SKI: variants seen among roughly 807,000 people sequenced by gnomAD.
SKI encodes SKI proto-oncogene.
Under a neutral mutation model 59.3 loss-of-function variants are expected in SKI, and 23 were observed. The observed-to-expected ratio is 0.39, with a 90% CI of 0.28 to 0.55. SKI has a LOEUF of 0.55. Ranked by LOEUF, SKI falls within the 20% of genes least tolerant of loss-of-function variation. The pLI is 0.67. For synonymous variants in SKI, 673 were observed against 488.6 expected (o/e 1.38, Z -4.98); for missense variants, 1,017 against 1,038.9 (o/e 0.98, Z 0.29).
At chr1:2,302,137 TG>T (rs1557850026) in intron 1 of SKI, among the ~76,000 whole-genome samples, 1 of 152,114 alleles carries the variant, frequency 6.6e-6, no homozygotes. Context: ...CACTGGCTCT[TG>T]GGGGATGTGC....
At chr1:2,280,398 C>G (rs910830092) in intron 1 of SKI, among the ~76,000 whole-genome samples, 1 of 151,350 alleles carries the variant, frequency 6.6e-6, no homozygotes. Flanking sequence ...AGTCTGACCA[C>G]AGCCCCTTCT....
chr1:2,272,508 G>A (rs1639647111), intron 1 of SKI, among the ~76,000 whole-genome samples: 1 of 152,206 alleles, frequency 6.6e-6, no homozygotes, highest in Non-Finnish European at 1.5e-5. Flanking sequence ...TGGTCTGGGG[G>A]CCTCCTTCCC....
chr1:2,303,332 C>T lies in SKI; in HGVS notation c.1143C>T (p.Pro381=). 1.2e-6 allele frequency: 2 copies of T among 1,613,940 alleles called. No individual in the cohort carries two copies. Among genetic ancestry groups the T allele is most frequent in the Non-Finnish European group, 1.7e-6 (2 of 1,180,048 alleles). The change falls in exon 3 of 7, where the codon CCC becomes CCT. Residue 381 remains proline (P), a synonymous_variant. Coordinates refer to ENST00000378536, the MANE Select transcript of SKI (RefSeq NM_003036.4). This position sits in a 1 kb window ranked among gnomAD's most constrained non-coding sequence, Gnocchi z 5.6. ...HPRQRLSAFR[P]WSPAVSASEK... is the part of the protein sequence containing the mutation. ...GCCAGCGCCTCTCTGCTTTCCGACC[C>T]TGGTCCCCCGCAGTGTCAGCGAGTG...
chr1:2,251,459 G>T (rs1455856610), intron 1 of SKI, among the ~76,000 whole-genome samples: 1 of 152,028 alleles, frequency 6.6e-6, no homozygotes, highest in African/African-American at 2.4e-5. Context: ...TTTCAGAGCC[G>T]GCAGGGTTTT....
At chr1:2,280,296 A>G (rs1443028043) in intron 1 of SKI, among the ~76,000 whole-genome samples, 1 of 149,300 alleles carries the variant, frequency 6.7e-6, no homozygotes, top group Non-Finnish European at 1.5e-5. Flanking sequence ...GAATCGCTTG[A>G]CCCCGGGAGG....
intron 1 of SKI, among the ~76,000 whole-genome samples, chr1:2,280,605 A>AG (rs1465553258): frequency 7.0e-6 from 1 of 143,114 alleles, no homozygotes; most frequent in Non-Finnish European, 1.5e-5. Context: ...CTTCAGAGAG[A>AG]AGATGCCCGA....
Position 2,310,087 on chromosome 1 carries a change from T to TA in SKI, c.*3322_*3323insA, listed in dbSNP as rs886615983. On this transcript the variant is annotated 3_prime_UTR_variant, in exon 7 of 7. Transcript: ENST00000378536. ...ATTTTTATGTAATTAATGTATGCTT[T>TA]CTTGTTTATAAATGCCTGATTTAAA... The TA allele has an allele frequency of 4.6e-5, 7 of 151,714 alleles. No individual in the cohort carries two copies. The highest frequency in any genetic ancestry group is 7.4e-5 in the Non-Finnish European group (5 of 67,972). The allele number at this position is 151,714 out of a possible 1,614,324, so 9.4% of individuals were successfully genotyped here. A position where few individuals can be genotyped will look rare whatever the true frequency, so the allele number is the denominator to read the frequency against.
intron 1 of SKI, among the ~76,000 whole-genome samples, chr1:2,274,016 A>G (rs1299725659): frequency 1.3e-5 from 2 of 151,838 alleles, no homozygotes; most frequent in Non-Finnish European, 2.9e-5. Context: ...CTGAGCGCCC[A>G]TGCGTGTGCG....
At chr1:2,278,821 G>A (rs1264408272) in intron 1 of SKI, among the ~76,000 whole-genome samples, 1 of 152,166 alleles carries the variant, frequency 6.6e-6, no homozygotes, top group East Asian at 1.9e-4. Context: ...GCGCACACGT[G>A]CACACAGGCC....
At chr1:2,242,340 T>C (rs1017638022) in intron 1 of SKI, among the ~76,000 whole-genome samples, 1 of 152,046 alleles carries the variant, frequency 6.6e-6, no homozygotes. Flanking sequence ...TCTTGGTGGG[T>C]TGGGGGAGAA....
chr1:2,273,720 A>G (rs1189333827), intron 1 of SKI, among the ~76,000 whole-genome samples: 1 of 152,190 alleles, frequency 6.6e-6, no homozygotes, highest in Non-Finnish European at 1.5e-5. Flanking sequence ...CTCCCCCAGC[A>G]TTGCACCAAA....
chr1:2,233,724 T>C (rs961314349), intron 1 of SKI, among the ~76,000 whole-genome samples: 3 of 152,128 alleles, frequency 2.0e-5, no homozygotes, highest in Non-Finnish European at 4.4e-5. Context: ...AGGTCTGTTC[T>C]GGGGAATGAC....
rs576331192 is a variant in SKI, at chr1:2,267,798, G to T, written c.970-35180G>T. ...AGACTGTCCCAGGACACGGGTCCAC[G>T]GTCACACGGTCTCCAAATGAGCAGG... On this transcript the variant is annotated intron_variant, in intron 1 of 6. Transcript: ENST00000378536. This position sits in a 1 kb window ranked among gnomAD's most constrained non-coding sequence, Gnocchi z 4.1. Among the ~76,000 whole-genome samples, 1 of 152,310 alleles carries T rather than the reference G, an allele frequency of 6.6e-6. No homozygotes were observed. The highest frequency in any genetic ancestry group is 2.1e-4 in the South Asian group (1 of 4,822).
intron 1 of SKI, among the ~76,000 whole-genome samples, chr1:2,292,638 C>T (rs1324224059): frequency 6.6e-6 from 1 of 152,212 alleles, no homozygotes; most frequent in Non-Finnish European, 1.5e-5. Flanking sequence ...AGGTCCTTTT[C>T]AGATGCGGTG....
At chr1:2,242,851 G>GGTCT (rs1557815548) in intron 1 of SKI, among the ~76,000 whole-genome samples, 3 of 152,158 alleles carry the variant, frequency 2.0e-5, no homozygotes, top group Non-Finnish European at 4.4e-5. Context: ...TGTGCACTAA[G>GGTCT]GTCTGCCTTT....
At chr1:2,245,044 C>T (rs558955776) in intron 1 of SKI, among the ~76,000 whole-genome samples, 34 of 152,152 alleles carry the variant, frequency 2.2e-4, no homozygotes, top group Non-Finnish European at 4.6e-4. Context: ...TGCTGTTCAC[C>T]CACCTTCCCA....
At chr1:2,284,176 C>T (rs1254638092) in intron 1 of SKI, among the ~76,000 whole-genome samples, 3 of 152,166 alleles carry the variant, frequency 2.0e-5, no homozygotes, top group Non-Finnish European at 4.4e-5. Flanking sequence ...CAGAGGCCGG[C>T]CCTGGGGGGC....
At chr1:2,259,730 G>A (rs530531421) in intron 1 of SKI, among the ~76,000 whole-genome samples, 1 of 152,306 alleles carries the variant, frequency 6.6e-6, no homozygotes, top group East Asian at 1.9e-4. Context: ...GGCTGCAGCA[G>A]TCTGCTTTTG....
intron 1 of SKI, among the ~76,000 whole-genome samples, chr1:2,231,673 G>A (rs1366433229): frequency 1.3e-5 from 2 of 152,236 alleles, no homozygotes; most frequent in Admixed American, 6.5e-5. Flanking sequence ...TACTGACGAC[G>A]TGCACGGTGT....
Sources: allele counts gnomAD v4.1 joint callset (sites outside exome capture counted in the v4.1 genomes callset), GRCh38; gene constraint gnomAD v4.1.1; non-coding constraint Gnocchi (gnomAD v3.1); transcripts MANE v1.5; gene names NCBI Gene and HGNC (gene_info 2026-07-23, HGNC 2026-07-21).